The following DSP variants were observed in gnomAD, a reference collection of about 807,000 sequenced individuals.
DSP encodes the protein desmoplakin.
DSP carries 114 observed loss-of-function variants against 290.6 expected under a neutral mutation model. The ratio of observed to expected loss-of-function variants is 0.39; its 90% CI spans 0.34 to 0.46. DSP has a LOEUF of 0.46. Among genes scored for constraint, DSP ranks in the 20% least tolerant of loss-of-function variants. DSP has a pLI of 0.99. For missense variants in DSP, 3,230 were observed against 3,495.8 expected (o/e 0.92, Z 1.92); for synonymous variants, 1,311 against 1,316.4 (o/e 1.00, Z 0.09).
intron 15 of DSP, among the ~76,000 whole-genome samples, chr6:7,573,160 A>ATG (rs1016514628): frequency 2.6e-5 from 4 of 151,912 alleles, no homozygotes; most frequent in Non-Finnish European, 5.9e-5. Context: ...GTATGTACAT[A>ATG]TGTGTGTGTG....
In DSP at chr6:7,586,062, C is replaced by T. The variant is rs1478927172; in HGVS notation, c.*184C>T. On this transcript the variant is annotated 3_prime_UTR_variant, in exon 24 of 24. Transcript: ENST00000379802. The stretch of plus-strand genomic sequence containing the variant: ...GTTCTGGCTTTTTATCTTCTTAGCT[C>T]ATCTTAAATAAGCAGTACACTTGGA... 5 of 653,550 alleles carry T rather than the reference C, an allele frequency of 7.7e-6. No individual in the cohort carries two copies. The highest frequency in any genetic ancestry group is 1.3e-5 in the Non-Finnish European group (5 of 385,054). 40.5% of individuals were successfully genotyped at this position (653,550 alleles called of 1,614,324 possible).
At chr6:7,577,706 G>A (rs1759282953) in intron 20 of DSP, 73 bp from the exon 21 acceptor site, 1 of 1,215,734 alleles carries the variant, frequency 8.2e-7, no homozygotes, top group African/African-American at 1.5e-5. Context: ...ATTTAAAACT[G>A]TGGAACTGTA....
Position 7,568,379 on chromosome 6 carries a change from TCTC to T in DSP, c.1267-54_1267-52del, listed in dbSNP as rs1561687735. The T allele has an allele frequency of 3.8e-6, 6 of 1,590,664 alleles. No individual in the cohort carries two copies. The East Asian group carries it at 6.7e-5, about 18-fold the overall frequency. On this transcript the variant is annotated intron_variant, in intron 10 of 23. Transcript: ENST00000379802. The stretch of plus-strand genomic sequence containing the variant: ...TAGCTACATTAATGCAGGTTGAAAA[TCTC>T]CTCTAAAACTCACAGGGTATCTATG...
chr6:7,577,742 A>G (rs775718974), intron 20 of DSP, 37 bp from the exon 21 acceptor site: 25 of 1,515,704 alleles, frequency 1.6e-5, no homozygotes, highest in African/African-American at 6.8e-5. Context: ...TTTTAAGTCT[A>G]TGAAGGACAC....
intron 14 of DSP, 55 bp from the exon 15 acceptor site, chr6:7,571,786 AG>A: frequency 6.3e-7 from 1 of 1,577,276 alleles, no homozygotes; most frequent in African/African-American, 1.3e-5. Flanking sequence ...TTTGAGGCCT[AG>A]CACCTTGATA....
In DSP at chr6:7,583,037, G is replaced by A. The variant is rs1759496434; in HGVS notation, c.5775G>A (p.Gln1925=). Residue 1925 remains glutamine, a synonymous_variant, in exon 24 of 24, where the codon CAG becomes CAA. Transcript: ENST00000379802. The surrounding 1 kb of genome is among the most constrained non-coding windows in gnomAD (Gnocchi z 4.0). ...RKLEDSTRET[Q]SQLETERSRY... ...TGGAGGATTCTACCAGGGAGACACA[G>A]TCACAGTTAGAAACAGAACGCTCCC... The A allele has an allele frequency of 6.2e-7, 1 of 1,614,018 alleles. No homozygotes were observed. The highest frequency in any genetic ancestry group is 8.5e-7 in the Non-Finnish European group (1 of 1,180,030).
intron 1 of DSP, among the ~76,000 whole-genome samples, chr6:7,545,435 A>G (rs980545443): frequency 6.6e-6 from 1 of 152,202 alleles, no homozygotes; most frequent in Non-Finnish European, 1.5e-5. Context: ...CTGAGGACCC[A>G]AGGATCCTCA....
In DSP at chr6:7,582,723, G is replaced by C; in HGVS notation, c.5461G>C (p.Val1821Leu). The change falls in exon 24 of 24, where the codon GTC becomes CTC. Residue 1821 changes from valine (V) to leucine (L), a missense_variant. Val to Leu is a conservative substitution (Grantham distance 32, BLOSUM62 1). Coordinates refer to ENST00000379802, the MANE Select transcript of DSP (RefSeq NM_004415.4). The surrounding 1 kb of genome is among the most constrained non-coding windows in gnomAD (Gnocchi z 4.2). Reference sequence around the variant, plus strand: ...AGAGAGCCTTCTGGTGAAAATCAAAGTCCTGGAGCAAGACAAGGCAAGGCT... The same window carrying C: ...AGAGAGCCTTCTGGTGAAAATCAAACTCCTGGAGCAAGACAAGGCAAGGCT... The part of the protein sequence containing the change: ...ERESLLVKIK[V>L]LEQDKARLQR... 1.2e-6 allele frequency: 2 copies of C among 1,613,636 alleles called. No homozygotes were observed. Among genetic ancestry groups the C allele is most frequent in the African/African-American group, 2.7e-5 (2 of 74,940 alleles).
rs777773801 is a variant in DSP, at chr6:7,581,411, G to A, written c.5221G>A (p.Ala1741Thr). The change falls in exon 23 of 24, where the codon GCG becomes ACG. Residue 1741 changes from alanine (A) to threonine (T), a missense_variant. By Grantham distance (58) the Ala-to-Thr change is moderately conservative. Transcript: ENST00000379802. ...TGACCTGAGGAGAGGACGAAGCGAA[G>A]CGGACAGTGATAAAAATGCAACCAT... is the stretch of plus-strand genomic sequence containing the variant. ...YDDLRRGRSE[A>T]DSDKNATILE... 27 of 1,613,416 alleles carry A rather than the reference G, an allele frequency of 1.7e-5. No individual in the cohort carries two copies. The South Asian group carries it at 3.0e-4, about 18-fold the overall frequency.
rs779987722 is a variant in DSP at position 7,580,724 on chromosome 6, T to C, written c.4534T>C (p.Tyr1512His). 1.2e-6 allele frequency: 2 copies of C among 1,613,916 alleles called. No homozygotes were observed. Among genetic ancestry groups the C allele is most frequent in the Non-Finnish European group, 1.7e-6 (2 of 1,179,952 alleles). ...AAACGCGAGATTACAAAGGGTCCAG[T>C]ATGACCTGCAGAAAGCAAACAGTAG... Reference protein sequence around the residue: ...DENARLQRVQYDLQKANSSAT... With the variant: ...DENARLQRVQHDLQKANSSAT... The change falls in exon 23 of 24, where the codon TAT becomes CAT. Residue 1512 changes from tyrosine (Y) to histidine (H), a missense_variant. Coordinates refer to ENST00000379802, the MANE Select transcript of DSP (RefSeq NM_004415.4). The surrounding 1 kb of genome is among the most constrained non-coding windows in gnomAD (Gnocchi z 4.2).
intron 1 of DSP, among the ~76,000 whole-genome samples, chr6:7,554,125 A>ACACACACACACACAC (rs772041102): frequency 5.5e-5 from 8 of 144,516 alleles, no homozygotes; most frequent in East Asian, 2.0e-4. Flanking sequence ...ACACACACAC[A>ACACACACACACACAC]CCCAGTTGGT....
chr6:7,570,198 A>G (rs1444785543), intron 12 of DSP, among the ~76,000 whole-genome samples: 1 of 152,242 alleles, frequency 6.6e-6, no homozygotes, highest in Non-Finnish European at 1.5e-5. Context: ...CCGAAAAACA[A>G]GACAACAACA....
Position 7,541,980 on chromosome 6 carries a change from C to G in DSP, c.65C>G (p.Ser22Cys). The change falls in exon 1 of 24, where the codon TCT becomes TGT. Residue 22 changes from serine (S) to cysteine (C), a missense_variant. This residue lies in a region of DSP where 646 missense variants were observed against 684.3 expected (regional missense o/e 0.94). Coordinates refer to ENST00000379802, the MANE Select transcript of DSP (RefSeq NM_004415.4). ...NTLGRMIRAE[S>C]GPDLRYEVTS... ...CTGGGCCGCATGATCCGCGCCGAGT[C>G]TGGCCCGGACCTGCGCTACGAGGTG... is the stretch of plus-strand genomic sequence containing the variant. 1.2e-6 allele frequency: 2 copies of G among 1,604,492 alleles called. No individual in the cohort carries two copies. The highest frequency in any genetic ancestry group is 2.2e-5 in the South Asian group (2 of 89,310).
At chr6:7,544,430 G>A (rs1758112361) in intron 1 of DSP, among the ~76,000 whole-genome samples, 1 of 151,824 alleles carries the variant, frequency 6.6e-6, no homozygotes, top group Admixed American at 6.6e-5. Context: ...AATTTCATAA[G>A]TATTTTTCTG....
rs2491079 is a variant in DSP at position 7,579,494 on chromosome 6, G to C, written c.3304G>C (p.Gly1102Arg). The C allele has an allele frequency of 6.2e-7, 1 of 1,613,830 alleles. No individual in the cohort carries two copies. The highest frequency in any genetic ancestry group is 8.5e-7 in the Non-Finnish European group (1 of 1,180,026). ...TAAGCAAAATCTAGACAAGTGCTAC[G>C]GCCAAATAAAAGAACTCAATGAGAA... ...SAKQNLDKCY[G>R]QIKELNEKIT... The change falls in exon 23 of 24, where the codon GGC (glycine) becomes CGC (arginine). Residue 1102 changes from glycine (G) to arginine (R), a missense_variant. By Grantham distance (125) the Gly-to-Arg change is moderately radical. Coordinates refer to ENST00000379802, the MANE Select transcript of DSP (RefSeq NM_004415.4). This position sits in a 1 kb window ranked among gnomAD's most constrained non-coding sequence, Gnocchi z 4.1.
At position 7,565,394 on chromosome 6, in the gene DSP, G is replaced by T. The variant is rs201781844; in HGVS notation, c.813G>T (p.Gln271His). Residue 271 changes from glutamine (Q) to histidine (H), a missense_variant, in exon 7 of 24, where the codon CAG (glutamine) becomes CAT (histidine). By Grantham distance (24) the Gln-to-His change is conservative. Transcript: ENST00000379802. This position sits in a 1 kb window ranked among gnomAD's most constrained non-coding sequence, Gnocchi z 4.2. ...TTGAGAGGATGGATCACCTGCGACA[G>T]CTGCAGAACATCATTCAGGCCACGT... Reference protein sequence around the residue: ...ASFERMDHLRQLQNIIQATSR... With the variant: ...ASFERMDHLRHLQNIIQATSR... The T allele has an allele frequency of 6.2e-7, 1 of 1,614,138 alleles. No homozygotes were observed. The highest frequency in any genetic ancestry group is 8.5e-7 in the Non-Finnish European group (1 of 1,180,030).
chr6:7,550,597 A>G (rs551040543), intron 1 of DSP, among the ~76,000 whole-genome samples: 2 of 152,204 alleles, frequency 1.3e-5, no homozygotes, highest in South Asian at 4.1e-4. Context: ...TGGAATCCTT[A>G]CTTGTTTAAA....
Position 7,541,842 on chromosome 6 carries a change from C to T in DSP, c.-74C>T, listed in dbSNP as rs1757982264. On this transcript the variant is annotated 5_prime_UTR_variant, in exon 1 of 24. Transcript: ENST00000379802. ...CCCGGCCGTCCGCCTATCCTTGGCC[C>T]CCTCCGCTTTCTCCGCGCCGGCCCG... 1 of 1,517,954 alleles carries T rather than the reference C, an allele frequency of 6.6e-7. No individual in the cohort carries two copies. Among genetic ancestry groups the T allele is most frequent in the Non-Finnish European group, 8.8e-7 (1 of 1,131,054 alleles). 94.0% of individuals were successfully genotyped at this position (1,517,954 alleles called of 1,614,324 possible).
chr6:7,565,352 T>C lies in DSP; in HGVS notation c.778-7T>C. 6.2e-7 allele frequency: 1 copy of C among 1,614,084 alleles called. No homozygotes were observed. Among genetic ancestry groups the C allele is most frequent in the Non-Finnish European group, 8.5e-7 (1 of 1,180,004 alleles). On this transcript the variant is annotated splice_region_variant and splice_polypyrimidine_tract_variant and intron_variant, in intron 6 of 23. Transcript: ENST00000379802. The surrounding 1 kb of genome is among the most constrained non-coding windows in gnomAD (Gnocchi z 4.2). ...ATTTTAATGCTGCCTTTGAACCTCC[T>C]GTGCAGAAAGCGTCCTTTGAGAGGA...
Sources: gnomAD v4.1 joint callset for allele counts (sites outside exome capture counted in the v4.1 genomes callset) on GRCh38, gnomAD v4.1.1 for gene constraint, gnomAD v4.1.1 regional missense constraint, Gnocchi (gnomAD v3.1) non-coding constraint, MANE v1.5 for transcripts, NCBI Gene and HGNC (gene_info 2026-07-23, HGNC 2026-07-21) for gene names.